Variants in SDC2 observed in about 807,000 individuals in gnomAD.
The protein encoded by SDC2 is syndecan-2.
SDC2 carries 13 observed loss-of-function variants against 22.2 expected under a neutral mutation model. The ratio of observed to expected loss-of-function variants is 0.59; its 90% CI spans 0.38 to 0.93. The LOEUF (loss-of-function observed/expected upper bound fraction) is 0.93. SDC2 is among the 40% of genes least tolerant of loss of function. SDC2 has a pLI of 0.00. For synonymous variants in SDC2, 94 were observed against 92.8 expected (o/e 1.01, Z -0.07); for missense variants, 235 against 246.8 (o/e 0.95, Z 0.32).
intron 1 of SDC2, among the ~76,000 whole-genome samples, chr8:96,560,018 A>C (rs943563301): frequency 1.3e-5 from 2 of 152,196 alleles, no homozygotes; most frequent in Non-Finnish European, 2.9e-5. Context: ...CCATTTAAAA[A>C]GTGTCCAATT....
rs200354576 is a variant in SDC2, at chr8:96,536,653, G to A, written c.60+42322G>A. ...AGGTGGATTGTCATCATATTTGAGTGCCTAGCATGGTGTTAGGTGCTGGGG... is the reference window on the plus strand; with the variant it reads ...AGGTGGATTGTCATCATATTTGAGTACCTAGCATGGTGTTAGGTGCTGGGG... On this transcript the variant is annotated intron_variant, in intron 1 of 4. Coordinates refer to ENST00000302190, the MANE Select transcript of SDC2 (RefSeq NM_002998.4). Among the ~76,000 whole-genome samples the A allele has an allele frequency of 2.0e-5, 3 of 152,326 alleles. No homozygotes were observed. In the East Asian group the frequency reaches 5.8e-4, roughly 29 times the overall value.
rs1271185771 is a variant in SDC2, at chr8:96,562,460, C to T, written c.61-31020C>T. On this transcript the variant is annotated intron_variant, in intron 1 of 4. Transcript: ENST00000302190. ...GGAAGTTAGGATGCCAGGGAGTTGG[C>T]ATGGAGTCCCTGTGGGACTTGGTAG... Among the ~76,000 whole-genome samples the T allele has an allele frequency of 4.6e-5, 7 of 152,266 alleles. No homozygotes were observed. In the East Asian group the frequency reaches 1.2e-3, roughly 25 times the overall value.
Position 96,583,715 on chromosome 8 carries a change from GTGTA to G in SDC2, c.61-9763_61-9760del, listed in dbSNP as rs775001624. 1.1e-3 allele frequency among the ~76,000 whole-genome samples: 158 copies of G among 140,496 alleles called. 1 individual carries two copies. The highest frequency in any genetic ancestry group is 1.3e-3 in the Non-Finnish European group (83 of 65,822). 92.2% of individuals were successfully genotyped at this position (140,496 alleles called of 152,430 possible). On this transcript the variant is annotated intron_variant, in intron 1 of 4. Coordinates refer to ENST00000302190, the MANE Select transcript of SDC2 (RefSeq NM_002998.4). The stretch of plus-strand genomic sequence containing the variant: ...TGTGTGTGTGTGTGTGTGTGTGTGT[GTGTA>G]TATATATATATGAGAAATTGCAATA...
At position 96,574,678 on chromosome 8, in the gene SDC2, T is replaced by A. The variant is rs142474211; in HGVS notation, c.61-18802T>A. 3.1e-3 allele frequency among the ~76,000 whole-genome samples: 470 copies of A among 152,346 alleles called. 10 individuals are homozygous for A. In the East Asian group the frequency reaches 0.043, roughly 14 times the overall value. ...TGTTCACAGTCATTTGACTGCTTTCTACTGAAGGTGTTAAAGTGCTAGGCT... is the reference window on the plus strand; with the variant it reads ...TGTTCACAGTCATTTGACTGCTTTCAACTGAAGGTGTTAAAGTGCTAGGCT... On this transcript the variant is annotated intron_variant, in intron 1 of 4. Coordinates refer to ENST00000302190, the MANE Select transcript of SDC2 (RefSeq NM_002998.4).
At chr8:96,600,900 G>C (rs1466051554) in intron 2 of SDC2, among the ~76,000 whole-genome samples, 1 of 152,148 alleles carries the variant, frequency 6.6e-6, no homozygotes, top group Non-Finnish European at 1.5e-5. Context: ...TGTAAATTTA[G>C]GTATCATCTG....
intron 1 of SDC2, among the ~76,000 whole-genome samples, chr8:96,517,346 CTT>C (rs945928880): frequency 2.5e-4 from 38 of 152,246 alleles, no homozygotes; most frequent in Non-Finnish European, 5.1e-4. Context: ...TGAAGTCAAA[CTT>C]ATCAGTTTTT....
chr8:96,584,597 A>G (rs930663721), intron 1 of SDC2, among the ~76,000 whole-genome samples: 7 of 152,198 alleles, frequency 4.6e-5, no homozygotes, highest in African/African-American at 1.7e-4. Flanking sequence ...AGAATTTATT[A>G]ATGCTGACCC....
intron 1 of SDC2, among the ~76,000 whole-genome samples, chr8:96,565,162 G>A (rs1324424862): frequency 2.4e-5 from 3 of 126,208 alleles, no homozygotes; most frequent in Non-Finnish European, 3.3e-5. Context: ...TCGGCTCACT[G>A]CAACCTCCGC....
intron 1 of SDC2, among the ~76,000 whole-genome samples, chr8:96,512,629 G>A (rs1423707584): frequency 1.3e-5 from 2 of 152,124 alleles, no homozygotes; most frequent in Non-Finnish European, 1.5e-5. Context: ...CAAGCCAGAT[G>A]TGGGGGCATT....
chr8:96,561,506 T>C (rs563562145), intron 1 of SDC2, among the ~76,000 whole-genome samples: 1 of 152,348 alleles, frequency 6.6e-6, no homozygotes, highest in South Asian at 2.1e-4. Flanking sequence ...GTACAGGTTG[T>C]GTGGGGCGGC....
intron 1 of SDC2, among the ~76,000 whole-genome samples, chr8:96,509,351 A>C (rs1187944607): frequency 7.0e-6 from 1 of 142,402 alleles, no homozygotes; most frequent in Non-Finnish European, 1.6e-5. Flanking sequence ...TGACCAAAGA[A>C]GACAGTGTCA....
intron 1 of SDC2, among the ~76,000 whole-genome samples, chr8:96,592,733 T>TA (rs1814802988): frequency 6.6e-6 from 1 of 152,252 alleles, no homozygotes; most frequent in Admixed American, 6.5e-5. Context: ...GATTTGCTAT[T>TA]ACCAGTTGCC....
At chr8:96,606,982 C>T (rs187456179) in intron 3 of SDC2, among the ~76,000 whole-genome samples, 1 of 152,158 alleles carries the variant, frequency 6.6e-6, no homozygotes, top group African/African-American at 2.4e-5. Context: ...TGAGCATTAC[C>T]ACCTGAGCTC....
chr8:96,607,319 T>C (rs1586329279), intron 3 of SDC2, among the ~76,000 whole-genome samples: 2 of 152,110 alleles, frequency 1.3e-5, no homozygotes, highest in Admixed American at 1.3e-4. Context: ...AGCTGGGCTG[T>C]GATGTGCTGG....
chr8:96,530,420 G>T (rs940729739), intron 1 of SDC2, among the ~76,000 whole-genome samples: 1 of 152,210 alleles, frequency 6.6e-6, no homozygotes, highest in Non-Finnish European at 1.5e-5. Context: ...CATCACCTGA[G>T]ATCAGGAGTT....
At position 96,576,374 on chromosome 8, in the gene SDC2, G is replaced by GTTTTT. The variant is rs1225034584; in HGVS notation, c.61-17102_61-17101insTTTTT. Among the ~76,000 whole-genome samples the GTTTTT allele has an allele frequency of 8.4e-3, 339 of 40,544 alleles. 10 individuals carry two copies. The highest frequency in any genetic ancestry group is 0.01 in the Non-Finnish European group (208 of 20,772). The allele number at this position is 40,544 out of a possible 152,430, so 26.6% of individuals were successfully genotyped here. The stretch of plus-strand genomic sequence containing the variant: ...GTTCAATAATTGGTAGTTTGTTTTT[G>GTTTTT]TTTTGTTTTGTTTTTTTTTACCAGA... On this transcript the variant is annotated intron_variant, in intron 1 of 4. Coordinates refer to ENST00000302190, the MANE Select transcript of SDC2 (RefSeq NM_002998.4).
chr8:96,571,424 C>G (rs752033744), intron 1 of SDC2, among the ~76,000 whole-genome samples: 1 of 152,172 alleles, frequency 6.6e-6, no homozygotes, highest in Non-Finnish European at 1.5e-5. Flanking sequence ...GCTTGAATAC[C>G]ACTGCTCTGC....
intron 1 of SDC2, among the ~76,000 whole-genome samples, chr8:96,575,244 C>T (rs1272826851): frequency 6.6e-6 from 1 of 152,098 alleles, no homozygotes; most frequent in Non-Finnish European, 1.5e-5. Flanking sequence ...TGAGTGAGCA[C>T]TGGCATCTCT....
intron 1 of SDC2, among the ~76,000 whole-genome samples, chr8:96,508,296 A>AGG (rs1813274918): frequency 7.6e-6 from 1 of 130,928 alleles, no homozygotes; most frequent in Non-Finnish European, 1.6e-5. Context: ...ACTCCGTCTC[A>AGG]AATAATAATA....
Sources: allele counts gnomAD v4.1 joint callset (sites outside exome capture counted in the v4.1 genomes callset), GRCh38; gene constraint gnomAD v4.1.1; transcripts MANE v1.5; gene names NCBI Gene and HGNC (gene_info 2026-07-23, HGNC 2026-07-21).